PACRG: variants seen among roughly 807,000 people sequenced by gnomAD.
The protein encoded by PACRG is parkin coregulated.
PACRG carries 29 observed loss-of-function variants against 29.7 expected under a neutral mutation model. The ratio of observed to expected loss-of-function variants is 0.98; its 90% CI spans 0.73 to 1.33. The LOEUF is 1.33. Among genes scored for constraint, PACRG ranks in the 40% most tolerant of loss-of-function variants. The pLI, the probability that PACRG is intolerant of heterozygous loss-of-function variation, is 0.00. For synonymous variants in PACRG, 116 were observed against 118.7 expected, an observed-to-expected ratio of 0.98 and a Z score of 0.15; for missense variants, 279 against 316.2, an observed-to-expected ratio of 0.88 and a Z score of 0.89.
rs75346496 is a variant in PACRG, at chr6:163,078,895, T to C, written c.464-10364T>C. 5.7e-3 allele frequency among the ~76,000 whole-genome samples: 865 copies of C among 152,258 alleles called. 11 individuals carry two copies. Among genetic ancestry groups the C allele is most frequent in the African/African-American group, 0.019 (805 of 41,558 alleles). ...TGCTCAAAGTCCACCCTAGATTCTATGTTTGCTGTGCCGCTTTGAACATTT... is the reference window on the plus strand; with the variant it reads ...TGCTCAAAGTCCACCCTAGATTCTACGTTTGCTGTGCCGCTTTGAACATTT... On this transcript the variant is annotated intron_variant, in intron 3 of 4. Transcript: ENST00000366888.
chr6:162,778,363 G>A (rs755856579), intron 1 of PACRG, among the ~76,000 whole-genome samples: 2 of 152,138 alleles, frequency 1.3e-5, no homozygotes, highest in Middle Eastern at 3.2e-3. Flanking sequence ...TGCTATAAGC[G>A]TAAGAGGTAT....
chr6:162,830,268 A>C (rs1788637715), intron 2 of PACRG, among the ~76,000 whole-genome samples: 1 of 152,126 alleles, frequency 6.6e-6, no homozygotes, highest in African/African-American at 2.4e-5. Flanking sequence ...GACTGGAATC[A>C]GGTGGAGTCA....
At chr6:163,260,479 C>T (rs958502969) in intron 4 of PACRG, among the ~76,000 whole-genome samples, 1 of 152,222 alleles carries the variant, frequency 6.6e-6, no homozygotes, top group African/African-American at 2.4e-5. Context: ...TGTATTTCTA[C>T]ACCTATTGTT....
intron 2 of PACRG, among the ~76,000 whole-genome samples, chr6:163,013,188 G>A (rs1055582665): frequency 2.0e-5 from 3 of 151,938 alleles, no homozygotes; most frequent in Admixed American, 6.6e-5. Context: ...GTTGGTGTTT[G>A]TGATTTACAT....
chr6:162,831,524 T>C (rs920547330), intron 2 of PACRG, among the ~76,000 whole-genome samples: 15 of 152,206 alleles, frequency 9.9e-5, no homozygotes, highest in Non-Finnish European at 2.2e-4. Flanking sequence ...AGTTCCAGGA[T>C]ACATGGCAGG....
chr6:163,247,112 G>A (rs573440213), intron 4 of PACRG, among the ~76,000 whole-genome samples: 106 of 152,254 alleles, frequency 7.0e-4, no homozygotes, highest in Non-Finnish European at 7.4e-5. Flanking sequence ...AGAGTGCTCT[G>A]GTATCCTTAC....
At chr6:163,236,284 T>C (rs894252582) in intron 4 of PACRG, among the ~76,000 whole-genome samples, 2 of 149,240 alleles carry the variant, frequency 1.3e-5, no homozygotes, top group African/African-American at 4.9e-5. Context: ...TCTCCATTCC[T>C]CCTAGTGCCA....
intron 4 of PACRG, among the ~76,000 whole-genome samples, chr6:163,099,427 CT>C (rs532831870): frequency 2.0e-4 from 30 of 152,232 alleles, no homozygotes; most frequent in Non-Finnish European, 3.7e-4. Flanking sequence ...AAATAGCGTT[CT>C]TTTCTATTTA....
Position 162,906,956 on chromosome 6 carries a change from G to A in PACRG, c.291+92675G>A, listed in dbSNP as rs78771486. Among the ~76,000 whole-genome samples, 896 of 152,330 alleles carry A rather than the reference G, an allele frequency of 5.9e-3. 12 individuals are homozygous for A. Among genetic ancestry groups the A allele is most frequent in the African/African-American group, 0.02 (852 of 41,562 alleles). ...GGAAAATATTTAAATGTGGAGAAAT[G>A]CAAATTATACTCAAATGTGGGCTTC... On this transcript the variant is annotated intron_variant, in intron 2 of 4. Coordinates refer to ENST00000366888, the MANE Select transcript of PACRG (RefSeq NM_001080379.2).
intron 1 of PACRG, among the ~76,000 whole-genome samples, chr6:162,753,544 T>C (rs773750811): frequency 2.6e-5 from 4 of 152,188 alleles, no homozygotes; most frequent in Non-Finnish European, 5.9e-5. Flanking sequence ...CTATTGTGAA[T>C]GATATGGTTT....
intron 4 of PACRG, among the ~76,000 whole-genome samples, chr6:163,297,767 G>C (rs1784832495): frequency 6.6e-6 from 1 of 152,198 alleles, no homozygotes; most frequent in African/African-American, 2.4e-5. Context: ...GCTGCACCCA[G>C]AAGTGTGAGT....
chr6:162,751,676 G>A (rs959530624), intron 1 of PACRG, among the ~76,000 whole-genome samples: 1 of 152,000 alleles, frequency 6.6e-6, no homozygotes, highest in Non-Finnish European at 1.5e-5. Flanking sequence ...CTCTAGTCTA[G>A]GCCTAAATTG....
chr6:162,886,169 C>T (rs1345722893), intron 2 of PACRG, among the ~76,000 whole-genome samples: 4 of 152,072 alleles, frequency 2.6e-5, no homozygotes, highest in South Asian at 2.1e-4. Context: ...ATGATCTACC[C>T]GCCTTGGCCT....
intron 1 of PACRG, among the ~76,000 whole-genome samples, chr6:162,794,777 T>G (rs1288063471): frequency 6.6e-6 from 1 of 152,206 alleles, no homozygotes; most frequent in Non-Finnish European, 1.5e-5. Flanking sequence ...ACACCTGTTC[T>G]GTACCATGTA....
intron 2 of PACRG, among the ~76,000 whole-genome samples, chr6:162,956,710 C>G (rs570432479): frequency 6.6e-6 from 1 of 152,304 alleles, no homozygotes; most frequent in African/African-American, 2.4e-5. Context: ...CACAGCCCTC[C>G]CCTGGATGTG....
chr6:163,216,655 C>T (rs1781374261), intron 4 of PACRG, among the ~76,000 whole-genome samples: 1 of 152,158 alleles, frequency 6.6e-6, no homozygotes, highest in Non-Finnish European at 1.5e-5. Flanking sequence ...CGCACCCAGC[C>T]CCCGTACACA....
At chr6:163,269,848 A>G (rs1783681857) in intron 4 of PACRG, among the ~76,000 whole-genome samples, 3 of 63,378 alleles carry the variant, frequency 4.7e-5, no homozygotes, top group East Asian at 4.0e-4. Flanking sequence ...AAAGAAAGAA[A>G]GAAAGAAAGA....
intron 4 of PACRG, among the ~76,000 whole-genome samples, chr6:163,149,164 C>T (rs1351222886): frequency 6.6e-6 from 1 of 151,962 alleles, no homozygotes; most frequent in Non-Finnish European, 1.5e-5. Flanking sequence ...CGAACCCTCG[C>T]TGTCACCTCC....
intron 2 of PACRG, among the ~76,000 whole-genome samples, chr6:162,949,762 G>T (rs762737701): frequency 6.6e-6 from 1 of 152,174 alleles, no homozygotes; most frequent in Non-Finnish European, 1.5e-5. Context: ...TTTTGTGAGG[G>T]TTTGTTGTAT....
Sources: gnomAD v4.1 joint callset for allele counts (sites outside exome capture counted in the v4.1 genomes callset) on GRCh38, gnomAD v4.1.1 for gene constraint, MANE v1.5 for transcripts, NCBI Gene and HGNC (gene_info 2026-07-23, HGNC 2026-07-21) for gene names.